The following HGS variants were observed in gnomAD, a reference collection of about 807,000 sequenced individuals.
HGS encodes the protein human growth factor-regulated tyrosine kinase substrate.
In HGS, 63 loss-of-function variants were observed where a neutral mutation model predicts 109.7. The ratio of observed to expected loss-of-function variants is 0.57; its 90% CI spans 0.47 to 0.71. The LOEUF is 0.71. Among genes scored for constraint, HGS ranks in the 30% least tolerant of loss-of-function variants. The probability of loss-of-function intolerance (pLI) is 0.00; values close to 1 mark genes in which losing one functional copy is unlikely to be tolerated. For missense variants in HGS, 995 were observed against 1,068.3 expected (o/e 0.93, Z 0.96); for synonymous variants, 546 against 437.3 (o/e 1.25, Z -3.10).
At position 81,687,083 on chromosome 17, in the gene HGS, G is replaced by A. The variant is rs758313223; in HGVS notation, c.279G>A (p.Lys93=). ...ACAAGCAGACCATGGAGGAGCTGAA[G>A]GACCTGCTGAAGGTGGGTGAGACGG... ...VANKQTMEEL[K]DLLKRQVEVN... Residue 93 remains lysine (K), a synonymous_variant, in exon 4 of 22, where the codon AAG becomes AAA. Coordinates refer to ENST00000329138, the MANE Select transcript of HGS (RefSeq NM_004712.5). The A allele has an allele frequency of 6.2e-7, 1 of 1,612,898 alleles. No homozygotes were observed. The highest frequency in any genetic ancestry group is 1.1e-5 in the South Asian group (1 of 90,854).
chr17:81,693,984 G>A lies in HGS; in HGVS notation c.936+19G>A. On this transcript the variant is annotated intron_variant, in intron 11 of 21. Transcript: ENST00000329138. ...ACCTGTGGTGAGCGGCCCTTGGGCT[G>A]GAGCTCCCTCTCCTGGAAGGCAGTA... 6.3e-7 allele frequency: 1 copy of A among 1,593,108 alleles called. No individual in the cohort carries two copies. Among genetic ancestry groups the A allele is most frequent in the South Asian group, 1.1e-5 (1 of 90,302 alleles).
intron 18 of HGS, 67 bp from the exon 19 acceptor site, chr17:81,700,400 T>C (rs150160067): frequency 2.2e-6 from 3 of 1,365,844 alleles, no homozygotes; most frequent in Non-Finnish European, 2.9e-6. Flanking sequence ...AACTCAAGAG[T>C]AGGGTGTCCC....
In HGS at chr17:81,691,558, G is replaced by C. The variant is rs142599461; in HGVS notation, c.649G>C (p.Glu217Gln). The change falls in exon 8 of 22, where the codon GAG (glutamate) becomes CAG (glutamine). Residue 217 changes from glutamate to glutamine, a missense_variant. Physicochemically the swap from Glu to Gln is conservative, Grantham distance 29. Around this residue, in one of 6 missense-constraint regions of HGS, gnomAD observed 182 missense variants for 261.3 expected, o/e 0.70. Transcript: ENST00000329138. The surrounding 1 kb of genome is among the most constrained non-coding windows in gnomAD (Gnocchi z 5.3). ...KEVRVCEPCY[E>Q]QLNRKAEGKA... ...GGTGCGCGTGTGTGAGCCCTGCTAC[G>C]AGCAGCTGAACAGGTGAGTCCCCGC... The C allele has an allele frequency of 1.2e-6, 2 of 1,613,916 alleles. No individual in the cohort carries two copies. The highest frequency in any genetic ancestry group is 2.2e-5 in the East Asian group (1 of 44,880).
Position 81,700,577 on chromosome 17 carries a change from C to A in HGS, c.1993C>A (p.Pro665Thr). 6.2e-7 allele frequency: 1 copy of A among 1,608,636 alleles called. No homozygotes were observed. Among genetic ancestry groups the A allele is most frequent in the Non-Finnish European group, 8.5e-7 (1 of 1,177,146 alleles). The change falls in exon 19 of 22, where the codon CCT (proline) becomes ACT (threonine). Residue 665 changes from proline to threonine, a missense_variant. Physicochemically the swap from Pro to Thr is conservative, Grantham distance 38. This residue lies in a region of HGS where 326 missense variants were observed against 309.7 expected (regional missense o/e 1.05). Coordinates refer to ENST00000329138, the MANE Select transcript of HGS (RefSeq NM_004712.5). ...TASPAYSSYQ[P>T]TPTAGYQNVA... is the part of the protein sequence containing the mutation. ...CAGCCCCGCTTACTCATCCTACCAGCCTACTCCCACAGCGGGCTACCAGGT... is the reference window on the plus strand; with the variant it reads ...CAGCCCCGCTTACTCATCCTACCAGACTACTCCCACAGCGGGCTACCAGGT...
chr17:81,701,461 G>A (rs778371193), intron 21 of HGS, 47 bp from the exon 22 acceptor site: 7 of 1,513,684 alleles, frequency 4.6e-6, no homozygotes, highest in Non-Finnish European at 5.3e-6. Context: ...TCCTCCCTGG[G>A]CTGGGGAAGG....
At chr17:81,700,405 T>C in intron 18 of HGS, 62 bp from the exon 19 acceptor site, 1 of 1,355,806 alleles carries the variant, frequency 7.4e-7, no homozygotes, top group Non-Finnish European at 9.8e-7. Context: ...AAGAGTAGGG[T>C]GTCCCTTCCT....
chr17:81,699,025 C>T (rs1266442023), intron 18 of HGS, among the ~76,000 whole-genome samples: 4 of 151,910 alleles, frequency 2.6e-5, no homozygotes, highest in African/African-American at 9.7e-5. Context: ...CAAGATCATG[C>T]CATTGCCCTC....
chr17:81,693,601 C>A lies in HGS; in HGVS notation c.741+20C>A. ...TCCCAGGTACTCAGCCCCCTCCGTC[C>A]CGTGGGCACCTCTTCCCCGGCGCCC... is the stretch of plus-strand genomic sequence containing the variant. On this transcript the variant is annotated intron_variant, in intron 9 of 21. Transcript: ENST00000329138. 6.4e-7 allele frequency: 1 copy of A among 1,563,204 alleles called. No homozygotes were observed. The highest frequency in any genetic ancestry group is 8.7e-7 in the Non-Finnish European group (1 of 1,143,208).
In HGS at chr17:81,701,030, G is replaced by A. The variant is rs370903428; in HGVS notation, c.2137-15G>A. Reference sequence around the variant, plus strand: ...ACAGGGCTACTCTCTCACATCTGACGTCTTCTCACAACAGAATCTCATGAC... The same window carrying A: ...ACAGGGCTACTCTCTCACATCTGACATCTTCTCACAACAGAATCTCATGAC... On this transcript the variant is annotated splice_polypyrimidine_tract_variant and intron_variant, in intron 20 of 21. Transcript: ENST00000329138. The A allele has an allele frequency of 1.9e-5, 31 of 1,610,398 alleles. No individual in the cohort carries two copies. Among genetic ancestry groups the A allele is most frequent in the African/African-American group, 5.3e-5 (4 of 74,826 alleles).
chr17:81,687,386 T>G (rs1236779072), intron 4 of HGS, among the ~76,000 whole-genome samples: 1 of 152,018 alleles, frequency 6.6e-6, no homozygotes, highest in African/African-American at 2.4e-5. Context: ...AGGCAGGGCT[T>G]GGGCACCTGC....
At chr17:81,693,423 G>C in intron 8 of HGS, 80 bp from the exon 9 acceptor site, 2 of 1,042,598 alleles carry the variant, frequency 1.9e-6, no homozygotes, top group Non-Finnish European at 3.0e-6. Context: ...AGAGGAGCCC[G>C]CAGAGGTGTG....
intron 4 of HGS, among the ~76,000 whole-genome samples, chr17:81,687,370 T>G (rs1315217311): frequency 6.6e-6 from 1 of 152,008 alleles, no homozygotes; most frequent in East Asian, 1.9e-4. Context: ...GGGGGAAGCT[T>G]CCGGGAGGCA....
At chr17:81,696,565 T>C (rs1357356642) in intron 16 of HGS, 36 bp downstream of exon 16, 4 of 1,555,408 alleles carry the variant, frequency 2.6e-6, no homozygotes, top group Non-Finnish European at 3.5e-6. Flanking sequence ...CGGGGCCGGC[T>C]GGGGGACCTC....
chr17:81,695,688 C>T (rs1476516118), intron 14 of HGS, 98 bp from the exon 15 acceptor site: 1 of 1,095,112 alleles, frequency 9.1e-7, no homozygotes, highest in Non-Finnish European at 1.4e-6. Context: ...GGACTCTGCT[C>T]CAGGCTTGAG....
At chr17:81,695,265 C>T (rs763836170) in intron 14 of HGS, 42 bp downstream of exon 14, 3 of 1,594,582 alleles carry the variant, frequency 1.9e-6, no homozygotes, top group Middle Eastern at 1.7e-4. Context: ...AAAACATGGC[C>T]TCCTGGCCCA....
rs201262915 is a variant in HGS at position 81,696,699 on chromosome 17, G to A, written c.1659G>A (p.Thr553=). Residue 553 remains threonine, a synonymous_variant, in exon 17 of 22, where the codon ACG becomes ACA. Transcript: ENST00000329138. ...TGCGGCTGGAGCAGCAGAAGCAGAC[G>A]GTCCAGATGCGCGCGCAGATGCCCG... The part of the protein sequence containing the change: ...RQMRLEQQKQ[T]VQMRAQMPAF... 1.3e-5 allele frequency: 21 copies of A among 1,610,606 alleles called. No homozygotes were observed. Among genetic ancestry groups the A allele is most frequent in the South Asian group, 4.4e-5 (4 of 91,054 alleles).
Position 81,693,577 on chromosome 17 carries a change from C to T in HGS, c.737C>T (p.Ser246Phe), listed in dbSNP as rs769511255. 6.2e-6 allele frequency: 10 copies of T among 1,603,768 alleles called. No homozygotes were observed. The Admixed American group carries it at 8.4e-5, about 13-fold the overall frequency. The change falls in exon 9 of 22, where the codon TCC (serine) becomes TTC (phenylalanine). Residue 246 changes from serine to phenylalanine, a missense_variant. Ser to Phe is a radical substitution (Grantham distance 155). Transcript: ENST00000329138. ...EYLTSPLSQQ[S>F]QLPPKRDETA... ...CTGACCAGCCCCCTGTCTCAGCAGT[C>T]CCAGGTACTCAGCCCCCTCCGTCCC...
intron 1 of HGS, chr17:81,684,811 A>G: frequency 2.7e-6 from 2 of 730,638 alleles, no homozygotes; most frequent in Non-Finnish European, 3.3e-6. Flanking sequence ...TTTGTCAAGT[A>G]GGGTTTTCAA....
At chr17:81,700,632 G>A (rs1479089227) in intron 19 of HGS, 32 bp downstream of exon 19, 1 of 1,588,756 alleles carries the variant, frequency 6.3e-7, no homozygotes, top group East Asian at 2.3e-5. Context: ...CTCCTTCCAG[G>A]GCCAGCCCCA....
Sources: allele counts gnomAD v4.1 joint callset (sites outside exome capture counted in the v4.1 genomes callset), GRCh38; gene constraint gnomAD v4.1.1; regional missense constraint gnomAD v4.1.1; non-coding constraint Gnocchi (gnomAD v3.1); transcripts MANE v1.5; gene names NCBI Gene and HGNC (gene_info 2026-07-23, HGNC 2026-07-21).